Variants in CNKSR2 observed in about 807,000 individuals in gnomAD.
CNKSR2 encodes connector enhancer of kinase suppressor of Ras 2, also known as CNK homolog protein 2.
In CNKSR2, 14 loss-of-function variants were observed where a neutral mutation model predicts 84.4. That is an observed-to-expected ratio of 0.17 (90% CI 0.11 to 0.26). The LOEUF (loss-of-function observed/expected upper bound fraction) is 0.26, where lower values mean the gene tolerates loss of function less well. Ranked by LOEUF, CNKSR2 falls within the 10% of genes least tolerant of loss-of-function variation. The probability of loss-of-function intolerance (pLI) is 1.00; values close to 1 mark genes in which losing one functional copy is unlikely to be tolerated. For missense variants in CNKSR2, 485 were observed against 771.2 expected, an observed-to-expected ratio of 0.63 and a Z score of 4.40; for synonymous variants, 275 against 277.9, an observed-to-expected ratio of 0.99 and a Z score of 0.10.
At chrX:21,545,959 G>T (rs760904433) in intron 11 of CNKSR2, among the ~76,000 whole-genome samples, 1 of 111,781 alleles carries the variant, frequency 8.9e-6, no homozygotes, top group Non-Finnish European at 1.9e-5. Context: ...AATCCACGAA[G>T]ATGAAGAAAA....
In CNKSR2 at chrX:21,511,027, A is replaced by C. The variant is rs139175627; in HGVS notation, c.811-5458A>C. On this transcript the variant is annotated intron_variant, in intron 8 of 21. Transcript: ENST00000379510. ...GAAATTAATGTGAATGAATTACTCT[A>C]TTAAAATATTGATAAAGCACTACAA... 8.4e-3 allele frequency among the ~76,000 whole-genome samples: 942 copies of C among 111,895 alleles called. 6 individuals carry two copies. The highest frequency in any genetic ancestry group is 0.028 in the African/African-American group (850 of 30,885).
rs1282269441 is a variant in CNKSR2 at position 21,651,529 on chromosome X, C to T, written c.2890-777C>T. Among the ~76,000 whole-genome samples, 9 of 111,636 alleles carry T rather than the reference C, an allele frequency of 8.1e-5. No homozygotes were observed. The South Asian group carries it at 3.1e-3, about 38-fold the overall frequency. On this transcript the variant is annotated intron_variant, in intron 21 of 21. Transcript: ENST00000379510. ...TTCTTTGCCTCCCAACTCTGGCTGG[C>T]CCAGAGGTGTATGCCTTACTTCCTG...
At chrX:21,499,540 A>G (rs2091537345) in intron 7 of CNKSR2, among the ~76,000 whole-genome samples, 1 of 111,628 alleles carries the variant, frequency 9.0e-6, no homozygotes, top group Non-Finnish European at 1.9e-5. Flanking sequence ...CATATTACTC[A>G]CTAATGTTTC....
chrX:21,604,638 A>T (rs1036948785), intron 18 of CNKSR2, among the ~76,000 whole-genome samples: 1 of 110,970 alleles, frequency 9.0e-6, no homozygotes, highest in Non-Finnish European at 1.9e-5. Context: ...GCTAATAAGG[A>T]CCACTTGAGG....
Position 21,531,674 on chromosome X carries a change from ACT to A in CNKSR2, c.1092-180_1092-179del, listed in dbSNP as rs765775977. On this transcript the variant is annotated intron_variant, in intron 10 of 21. Transcript: ENST00000379510. ...AGGCAAGTTGTTTAGCCTTTCTGAG[ACT>A]CACCATTTTGTTTTCAGCAAAATAA... Among the ~76,000 whole-genome samples, 16 of 111,158 alleles carry A rather than the reference ACT, an allele frequency of 1.4e-4. 1 individual carries two copies. In the South Asian group the frequency reaches 3.0e-3, roughly 21 times the overall value.
intron 20 of CNKSR2, among the ~76,000 whole-genome samples, chrX:21,615,894 A>C (rs2092574629): frequency 9.0e-6 from 1 of 111,667 alleles, no homozygotes; most frequent in Non-Finnish European, 1.9e-5. Flanking sequence ...TTTCAACCTA[A>C]CATATTAGCT....
rs1004253285 is a variant in CNKSR2, at chrX:21,384,883, A to G, written c.64+9922A>G. ...ATGTACTTCACATTATATTATTGCTAGTAATCTTTAAAAGTGAGATAAGGG... is the reference window on the plus strand; with the variant it reads ...ATGTACTTCACATTATATTATTGCTGGTAATCTTTAAAAGTGAGATAAGGG... On this transcript the variant is annotated intron_variant, in intron 1 of 21. Transcript: ENST00000379510. Among the ~76,000 whole-genome samples the G allele has an allele frequency of 2.7e-5, 3 of 111,895 alleles. No homozygotes were observed. In the East Asian group the frequency reaches 8.4e-4, roughly 31 times the overall value.
At chrX:21,613,881 G>A (rs1411517013) in intron 20 of CNKSR2, among the ~76,000 whole-genome samples, 1 of 106,947 alleles carries the variant, frequency 9.4e-6, no homozygotes, top group Non-Finnish European at 1.9e-5. Flanking sequence ...GGAGGTTGCA[G>A]TGAGCCAAGA....
chrX:21,566,201 G>C (rs1328722293), intron 13 of CNKSR2, among the ~76,000 whole-genome samples: 1 of 111,717 alleles, frequency 9.0e-6, no homozygotes, highest in Non-Finnish European at 1.9e-5. Context: ...GTTACTATTT[G>C]TTAAGTTAGG....
At chrX:21,604,211 CCTTTT>C (rs1440150182) in intron 18 of CNKSR2, among the ~76,000 whole-genome samples, 1 of 110,644 alleles carries the variant, frequency 9.0e-6, no homozygotes, top group Non-Finnish European at 1.9e-5. Context: ...AGTATTTCAG[CCTTTT>C]CTTAGGCAAC....
intron 19 of CNKSR2, among the ~76,000 whole-genome samples, chrX:21,608,721 C>T (rs2092532178): frequency 8.9e-6 from 1 of 112,184 alleles, no homozygotes; most frequent in South Asian, 3.7e-4. Flanking sequence ...AGGGACAATA[C>T]TTCTTCAGGA....
chrX:21,472,712 T>C (rs1412651935), intron 5 of CNKSR2, among the ~76,000 whole-genome samples: 1 of 111,785 alleles, frequency 8.9e-6, no homozygotes, highest in Non-Finnish European at 1.9e-5. Flanking sequence ...AAAGAATCTC[T>C]AGAGAACTGT....
intron 20 of CNKSR2, among the ~76,000 whole-genome samples, chrX:21,620,372 G>C (rs755078317): frequency 4.4e-4 from 49 of 110,256 alleles, no homozygotes; most frequent in African/African-American, 1.3e-3. Context: ...TAAGAAAAAG[G>C]GTTCATTTAA....
chrX:21,505,018 G>A (rs2091598562), intron 8 of CNKSR2: 1 of 272,321 alleles, frequency 3.7e-6, no homozygotes, highest in African/African-American at 2.8e-5. Flanking sequence ...GGCATAGTTT[G>A]ATGCAGCAAC....
At chrX:21,430,760 TAGAG>T (rs1202640884) in intron 2 of CNKSR2, among the ~76,000 whole-genome samples, 1 of 111,985 alleles carries the variant, frequency 8.9e-6, no homozygotes. Flanking sequence ...ATCTAGTCAT[TAGAG>T]AGCATCTTTT....
intron 1 of CNKSR2, among the ~76,000 whole-genome samples, chrX:21,415,562 G>A (rs2090404903): frequency 1.0e-5 from 1 of 97,233 alleles, no homozygotes; most frequent in Admixed American, 1.2e-4. Flanking sequence ...TTGGTTTTTT[G>A]TCCTTGTGAT....
At chrX:21,537,689 T>C (rs1439987899) in intron 11 of CNKSR2, among the ~76,000 whole-genome samples, 2 of 111,336 alleles carry the variant, frequency 1.8e-5, no homozygotes, top group Non-Finnish European at 3.8e-5. Flanking sequence ...ATTTGGTTTT[T>C]GTTTGCATGA....
At chrX:21,607,502 A>G (rs1446083609) in intron 19 of CNKSR2, among the ~76,000 whole-genome samples, 2 of 111,491 alleles carry the variant, frequency 1.8e-5, no homozygotes, top group Non-Finnish European at 3.8e-5. Context: ...TCCAGTTTAG[A>G]CAATAATATT....
intron 1 of CNKSR2, among the ~76,000 whole-genome samples, chrX:21,403,682 G>A (rs2090223710): frequency 8.9e-6 from 1 of 111,780 alleles, no homozygotes; most frequent in African/African-American, 3.2e-5. Flanking sequence ...CAGAAAGGAT[G>A]CTCATTATGC....
Sources: allele counts gnomAD v4.1 joint callset (sites outside exome capture counted in the v4.1 genomes callset), GRCh38; gene constraint gnomAD v4.1.1; transcripts MANE v1.5; gene names NCBI Gene and HGNC (gene_info 2026-07-23, HGNC 2026-07-21).